The following GALNT13 variants were observed in gnomAD, a reference collection of about 807,000 sequenced individuals.
GALNT13 encodes UDP-GalNAc:polypeptide N-acetylgalactosaminyltransferase 13.
A neutral mutation model predicts 64.2 loss-of-function variants in GALNT13; 28 were observed. The ratio of observed to expected loss-of-function variants is 0.44; its 90% confidence interval spans 0.32 to 0.60. The LOEUF (loss-of-function observed/expected upper bound fraction) is 0.60, where lower values mean the gene tolerates loss of function less well. Ranked by LOEUF, GALNT13 falls within the 20% of genes least tolerant of loss-of-function variation. The pLI, the probability that GALNT13 is intolerant of heterozygous loss-of-function variation, is 0.05. For missense variants in GALNT13, 577 were observed against 669.8 expected (o/e 0.86, Z 1.53); for synonymous variants, 214 against 224.6 (o/e 0.95, Z 0.42).
the GALNT13 span, among the ~76,000 whole-genome samples, chr2:153,211,061 T>A: frequency 1.3e-5 from 2 of 152,092 alleles, no homozygotes; most frequent in South Asian, 4.1e-4. Flanking sequence ...TACAAAATTA[T>A]TTTGATTTTA....
chr2:154,201,251 C>A (rs73965406), intron 4 of GALNT13, among the ~76,000 whole-genome samples: 2,839 of 152,126 alleles, frequency 0.019, 86 homozygotes, highest in African/African-American at 0.063. Flanking sequence ...AGAAAGTCTT[C>A]CATGAATGTG....
At chr2:154,279,995 C>A (rs369727012) in intron 8 of GALNT13, among the ~76,000 whole-genome samples, 32 of 151,812 alleles carry the variant, frequency 2.1e-4, no homozygotes, top group African/African-American at 7.0e-4. Context: ...TTTCCATTGA[C>A]AGCATTAGAA....
the GALNT13 span, among the ~76,000 whole-genome samples, chr2:153,284,972 T>C: frequency 9.8e-4 from 148 of 151,778 alleles, no homozygotes; most frequent in Middle Eastern, 3.4e-3. Context: ...CATGTACATG[T>C]ATGTTGTATT....
At chr2:153,625,732 CT>C in the GALNT13 span, among the ~76,000 whole-genome samples, 102 of 149,360 alleles carry the variant, frequency 6.8e-4, no homozygotes, top group African/African-American at 2.2e-3. Flanking sequence ...TCTCAGTCTT[CT>C]TTTTTTTTTC....
At chr2:153,777,481 G>A in the GALNT13 span, among the ~76,000 whole-genome samples, 4 of 152,262 alleles carry the variant, frequency 2.6e-5, no homozygotes, top group South Asian at 8.3e-4. Context: ...TGGTGATCAG[G>A]TCATGAGGCC....
chr2:153,669,569 G>A, the GALNT13 span, among the ~76,000 whole-genome samples: 1 of 152,144 alleles, frequency 6.6e-6, no homozygotes, highest in Non-Finnish European at 1.5e-5. Context: ...TTCCAAGATG[G>A]CCAAATAGGA....
At chr2:154,284,503 A>G (rs1291220341) in intron 8 of GALNT13, among the ~76,000 whole-genome samples, 1 of 149,824 alleles carries the variant, frequency 6.7e-6, no homozygotes, top group Non-Finnish European at 1.5e-5. Context: ...GTATATATGT[A>G]TCTGTATACA....
At chr2:153,419,287 G>A in the GALNT13 span, among the ~76,000 whole-genome samples, 2 of 152,124 alleles carry the variant, frequency 1.3e-5, no homozygotes, top group Non-Finnish European at 2.9e-5. Flanking sequence ...GAACAGATGA[G>A]GGAAACTGTC....
the GALNT13 span, among the ~76,000 whole-genome samples, chr2:153,830,345 T>C: frequency 6.6e-6 from 1 of 152,164 alleles, no homozygotes; most frequent in Non-Finnish European, 1.5e-5. Flanking sequence ...ACTGTACATT[T>C]GTTCATTTTC....
chr2:154,023,325 A>C lies in GALNT13; in HGVS notation c.142+78686A>C, dbSNP rs555511707. On this transcript the variant is annotated intron_variant, in intron 3 of 12. Coordinates refer to ENST00000392825, the MANE Select transcript of GALNT13 (RefSeq NM_052917.4). ...TCTCCGATTATTATTGTGTGGGAGT[A>C]TAAGTCTCTTTGTAGGTCACTAAGG... is the stretch of plus-strand genomic sequence containing the variant. 3.3e-3 allele frequency among the ~76,000 whole-genome samples: 495 copies of C among 152,156 alleles called. 4 individuals are homozygous for C. Among genetic ancestry groups the C allele is most frequent in the African/African-American group, 0.011 (450 of 41,492 alleles).
At chr2:154,046,993 G>C (rs1699326418) in intron 3 of GALNT13, among the ~76,000 whole-genome samples, 1 of 151,878 alleles carries the variant, frequency 6.6e-6, no homozygotes, top group Admixed American at 6.6e-5. Flanking sequence ...TTTCTGGTGA[G>C]TAAGTTTTTA....
the GALNT13 span, among the ~76,000 whole-genome samples, chr2:153,656,346 G>GCA: frequency 1.3e-4 from 19 of 151,606 alleles, no homozygotes; most frequent in African/African-American, 3.9e-4. Context: ...GTGTGCGCGC[G>GCA]CACATATGTG....
At chr2:153,868,447 GA>G (rs1685800780), upstream of GALNT13, among the ~76,000 whole-genome samples, 1 of 152,104 alleles carries the variant, frequency 6.6e-6, no homozygotes, top group East Asian at 1.9e-4. Flanking sequence ...TTTCATTTTA[GA>G]AAATAAAGTT....
the GALNT13 span, among the ~76,000 whole-genome samples, chr2:153,614,871 T>C: frequency 6.6e-6 from 1 of 152,156 alleles, no homozygotes; most frequent in Non-Finnish European, 1.5e-5. Flanking sequence ...ACTTATCCTT[T>C]TAGTTAGAAA....
rs1683063636 is a variant in GALNT13 at position 154,138,317 on chromosome 2, G to T, written c.143-2020G>T. ...CTCTTTTCCTATTAATCTGTATTAT[G>T]CCAGTTTAATTCTTATATCACCACA... is the stretch of plus-strand genomic sequence containing the variant. On this transcript the variant is annotated intron_variant, in intron 3 of 12. Transcript: ENST00000392825. 2.0e-5 allele frequency among the ~76,000 whole-genome samples: 3 copies of T among 151,950 alleles called. No individual in the cohort carries two copies. In the South Asian group the frequency reaches 6.2e-4, roughly 31 times the overall value.
chr2:153,814,030 G>A, the GALNT13 span, among the ~76,000 whole-genome samples: 1 of 152,162 alleles, frequency 6.6e-6, no homozygotes, highest in East Asian at 1.9e-4. Context: ...ATGGGAATCT[G>A]TAACTCCTTG....
the GALNT13 span, among the ~76,000 whole-genome samples, chr2:153,207,117 A>G: frequency 4.3e-4 from 66 of 152,080 alleles, no homozygotes; most frequent in South Asian, 8.3e-4. Context: ...TTCATAGTTT[A>G]TTATTTGAAT....
intron 2 of GALNT13, among the ~76,000 whole-genome samples, chr2:153,910,189 C>G (rs1397827894): frequency 6.6e-6 from 1 of 151,724 alleles, no homozygotes; most frequent in Non-Finnish European, 1.5e-5. Context: ...GCTCAGGTAT[C>G]TATCCATTTC....
intron 3 of GALNT13, among the ~76,000 whole-genome samples, chr2:154,109,074 T>C (rs1364602048): frequency 6.6e-6 from 1 of 152,140 alleles, no homozygotes; most frequent in African/African-American, 2.4e-5. Context: ...TTATGTGAAA[T>C]ATGATATTAG....
Sources: allele counts gnomAD v4.1 joint callset (sites outside exome capture counted in the v4.1 genomes callset), GRCh38; gene constraint gnomAD v4.1.1; transcripts MANE v1.5; gene names NCBI Gene and HGNC (gene_info 2026-07-23, HGNC 2026-07-21).